Variants in RIT2 observed in about 807,000 individuals in gnomAD.
RIT2 encodes Ras like without CAAX 2, also known as GTP-binding protein Rit2.
In RIT2, 24 loss-of-function variants were observed where a neutral mutation model predicts 23.7. That is an observed-to-expected ratio of 1.01 (90% CI 0.73 to 1.43). The LOEUF is 1.43. Among genes scored for constraint, RIT2 ranks in the 40% most tolerant of loss-of-function variants. The pLI, the probability that RIT2 is intolerant of heterozygous loss-of-function variation, is 0.00. For missense variants in RIT2, 236 were observed against 266.9 expected, an observed-to-expected ratio of 0.88 and a Z score of 0.81; for synonymous variants, 107 against 91.1, an observed-to-expected ratio of 1.17 and a Z score of -0.99.
At chr18:42,746,104 A>C (rs1417019438) in intron 4 of RIT2, among the ~76,000 whole-genome samples, 2 of 152,212 alleles carry the variant, frequency 1.3e-5, no homozygotes, top group Admixed American at 1.3e-4. Context: ...ACTCAGGCTA[A>C]GAGAGCCCTT....
intron 4 of RIT2, among the ~76,000 whole-genome samples, chr18:42,826,603 C>A (rs1050171065): frequency 3.3e-5 from 5 of 151,928 alleles, no homozygotes; most frequent in African/African-American, 1.2e-4. Flanking sequence ...ATCCTACCAT[C>A]CCGTAGGTTG....
At chr18:42,906,333 A>G (rs1267946500) in intron 4 of RIT2, among the ~76,000 whole-genome samples, 2 of 152,114 alleles carry the variant, frequency 1.3e-5, no homozygotes, top group East Asian at 3.9e-4. Flanking sequence ...TCTCATCTAT[A>G]CAGACATACA....
chr18:42,918,972 C>T (rs1335847249), intron 4 of RIT2, among the ~76,000 whole-genome samples: 2 of 152,128 alleles, frequency 1.3e-5, no homozygotes, highest in Admixed American at 6.6e-5. Flanking sequence ...AAAAGCATTG[C>T]ACCTATGAAT....
At chr18:42,775,317 T>C (rs1312928209) in intron 4 of RIT2, among the ~76,000 whole-genome samples, 1 of 152,166 alleles carries the variant, frequency 6.6e-6, no homozygotes, top group African/African-American at 2.4e-5. Context: ...CATGGCTTCA[T>C]ACAATCATAA....
rs58344278 is a variant in RIT2 at position 42,965,711 on chromosome 18, CTTTTTTTTTTTTTTTTTTTT to C, written c.234+8343_234+8362del. Among the ~76,000 whole-genome samples the C allele has an allele frequency of 2.6e-4, 10 of 37,792 alleles. 1 individual carries two copies. The East Asian group carries it at 4.1e-3, about 15-fold the overall frequency. 24.8% of individuals were successfully genotyped at this position (37,792 alleles called of 152,430 possible). A position where few individuals can be genotyped will look rare whatever the true frequency, so the allele number is the denominator to read the frequency against. On this transcript the variant is annotated intron_variant, in intron 3 of 4. Coordinates refer to ENST00000326695, the MANE Select transcript of RIT2 (RefSeq NM_002930.4). ...GGTAAACAAAGATGTGTACTGATGG[CTTTTTTTTTTTTTTTTTTTT>C]TTTTTTTTTTTTTTCAGAATTCTTC...
chr18:43,080,246 A>T (rs1409292338), intron 1 of RIT2, among the ~76,000 whole-genome samples: 1 of 152,210 alleles, frequency 6.6e-6, no homozygotes, highest in Non-Finnish European at 1.5e-5. Context: ...AACCCTGCAA[A>T]GGCAGGCATT....
chr18:42,753,758 T>A (rs1486722028), intron 4 of RIT2, among the ~76,000 whole-genome samples: 1 of 152,234 alleles, frequency 6.6e-6, no homozygotes, highest in South Asian at 2.1e-4. Flanking sequence ...TTGATTTTGA[T>A]CAGTTTTAAT....
At chr18:43,078,224 G>C (rs985826536) in intron 1 of RIT2, among the ~76,000 whole-genome samples, 1 of 151,922 alleles carries the variant, frequency 6.6e-6, no homozygotes, top group African/African-American at 2.4e-5. Context: ...CAATACTCTC[G>C]CACTTGACAA....
chr18:43,020,422 G>A (rs1424953760), intron 2 of RIT2, among the ~76,000 whole-genome samples: 1 of 152,010 alleles, frequency 6.6e-6, no homozygotes, highest in African/African-American at 2.4e-5. Context: ...GGAGGCGGAG[G>A]TTGCAGTGAG....
At chr18:43,064,836 T>TGA (rs1303965431) in intron 1 of RIT2, among the ~76,000 whole-genome samples, 5 of 152,238 alleles carry the variant, frequency 3.3e-5, no homozygotes, top group African/African-American at 9.6e-5. Context: ...TTATTATTTA[T>TGA]GAGAGAGAGT....
intron 2 of RIT2, among the ~76,000 whole-genome samples, chr18:43,012,350 G>A (rs576420723): frequency 1.3e-5 from 2 of 151,868 alleles, no homozygotes; most frequent in East Asian, 3.9e-4. Flanking sequence ...AGTGGGAAAA[G>A]TAATTTGTAT....
intron 1 of RIT2, among the ~76,000 whole-genome samples, chr18:43,114,558 G>A (rs1914024548): frequency 6.6e-6 from 1 of 151,960 alleles, no homozygotes; most frequent in Non-Finnish European, 1.5e-5. Context: ...TCCCAGTGGA[G>A]ATATTTAATA....
At chr18:43,043,073 T>C (rs996577099) in intron 1 of RIT2, among the ~76,000 whole-genome samples, 8 of 152,148 alleles carry the variant, frequency 5.3e-5, no homozygotes, top group Non-Finnish European at 1.2e-4. Context: ...TTATAGGATT[T>C]TTATTGAAGA....
chr18:42,866,320 T>C (rs1221000594), intron 4 of RIT2, among the ~76,000 whole-genome samples: 3 of 152,204 alleles, frequency 2.0e-5, no homozygotes, highest in Non-Finnish European at 4.4e-5. Context: ...ATAATGTTGA[T>C]TAATATTTGT....
At chr18:42,835,925 A>G (rs1906591574) in intron 4 of RIT2, among the ~76,000 whole-genome samples, 1 of 152,204 alleles carries the variant, frequency 6.6e-6, no homozygotes, top group African/African-American at 2.4e-5. Flanking sequence ...CAATGCATTT[A>G]TTTGTAGTCA....
intron 4 of RIT2, among the ~76,000 whole-genome samples, chr18:42,830,359 G>C (rs1308773359): frequency 6.6e-6 from 1 of 152,194 alleles, no homozygotes; most frequent in African/African-American, 2.4e-5. Context: ...TGGAATGGCA[G>C]TTTGAGCTGC....
chr18:42,889,711 T>C (rs1394576963), intron 4 of RIT2, among the ~76,000 whole-genome samples: 1 of 152,078 alleles, frequency 6.6e-6, no homozygotes, highest in Non-Finnish European at 1.5e-5. Context: ...TAAAAATGTA[T>C]ACCGCCATCA....
At chr18:42,799,295 G>A (rs962010684) in intron 4 of RIT2, among the ~76,000 whole-genome samples, 11 of 152,136 alleles carry the variant, frequency 7.2e-5, no homozygotes, top group African/African-American at 2.7e-4. Flanking sequence ...AAATTTCTTG[G>A]AATGGGCTTT....
intron 1 of RIT2, among the ~76,000 whole-genome samples, chr18:43,105,519 AAT>A (rs1264364434): frequency 4.0e-5 from 6 of 151,430 alleles, no homozygotes; most frequent in South Asian, 2.1e-4. Context: ...GGAGGGAGGG[AAT>A]GAGCAGTTTT....
Sources: allele counts gnomAD v4.1 joint callset (sites outside exome capture counted in the v4.1 genomes callset), GRCh38; gene constraint gnomAD v4.1.1; transcripts MANE v1.5; gene names NCBI Gene and HGNC (gene_info 2026-07-23, HGNC 2026-07-21).